RUBCNL: variants seen among roughly 807,000 people sequenced by gnomAD.
RUBCNL encodes rubicon like autophagy enhancer, also known as protein associated with UVRAG as autophagy enhancer.
Under a neutral mutation model 69.5 loss-of-function variants are expected in RUBCNL, and 62 were observed. That is an observed-to-expected ratio of 0.89 (90% CI 0.73 to 1.10). The LOEUF is 1.10. Ranked by LOEUF, RUBCNL falls within the 50% of genes least tolerant of loss-of-function variation. The probability of loss-of-function intolerance (pLI) is 0.00; values close to 1 mark genes in which losing one functional copy is unlikely to be tolerated. For missense variants in RUBCNL, 768 were observed against 798.1 expected, an observed-to-expected ratio of 0.96 and a Z score of 0.45; for synonymous variants, 291 against 303.6, an observed-to-expected ratio of 0.96 and a Z score of 0.43.
At position 46,362,579 on chromosome 13, in the gene RUBCNL, A is replaced by G. The variant is rs779261730; in HGVS notation, c.945T>C (p.Asp315=). ...AGGAACAGCTACAGGTTTCTGTGATATCATTAAAATCTCCAAGCTCTGTGG... is the reference window on the plus strand; with the variant it reads ...AGGAACAGCTACAGGTTTCTGTGATGTCATTAAAATCTCCAAGCTCTGTGG... ...FVILELGDFN[D]ITETCSCSCS... is the part of the protein sequence containing the mutation. The change falls in exon 7 of 15, where the codon GAT becomes GAC. Residue 315 remains aspartate (D), a synonymous_variant. Transcript: ENST00000429979. 2 of 1,608,790 alleles carry G rather than the reference A, an allele frequency of 1.2e-6. No individual in the cohort carries two copies. Among genetic ancestry groups the G allele is most frequent in the South Asian group, 2.2e-5 (2 of 89,928 alleles).
In RUBCNL at chr13:46,342,768, G is replaced by C. The variant is rs1240234965; in HGVS notation, c.*617C>G. The C allele has an allele frequency of 6.6e-6, 1 of 152,308 alleles. No homozygotes were observed. The allele number at this position is 152,308 out of a possible 1,614,324, so 9.4% of individuals were successfully genotyped here. ...GAAAGAGTGCCATCTAGAAGCAGTT[G>C]CTTCAAACTGCACTTCAACGGGACC... On this transcript the variant is annotated 3_prime_UTR_variant, in exon 15 of 15. Transcript: ENST00000429979.
chr13:46,343,342 C>CA lies in RUBCNL; in HGVS notation c.*42dup. On this transcript the variant is annotated 3_prime_UTR_variant, in exon 15 of 15. Coordinates refer to ENST00000429979, the MANE Select transcript of RUBCNL (RefSeq NM_025113.5). ...AATAATAGACACAAATCGGTGTTAT[C>CA]ATAAGGCATGTTGAACAGTCTTTTT... is the stretch of plus-strand genomic sequence containing the variant. 1.3e-6 allele frequency: 2 copies of CA among 1,597,474 alleles called. No individual in the cohort carries two copies. Among genetic ancestry groups the CA allele is most frequent in the Non-Finnish European group, 1.7e-6 (2 of 1,170,300 alleles).
rs2048176211 is a variant in RUBCNL at position 46,343,451 on chromosome 13, G to A, written c.1923C>T (p.Cys641=). 6.2e-7 allele frequency: 1 copy of A among 1,613,950 alleles called. No homozygotes were observed. Among genetic ancestry groups the A allele is most frequent in the Non-Finnish European group, 8.5e-7 (1 of 1,179,874 alleles). Residue 641 remains cysteine, a synonymous_variant, in exon 15 of 15, where the codon TGC becomes TGT. Transcript: ENST00000429979. ...FHKQCFQSSE[C]PRCARITARR... Reference sequence around the variant, plus strand: ...TCGCTGTGATCCTCGCACACCGGGGGCACTCGGAGGACTGGAAGCACTGTT... The same window carrying A: ...TCGCTGTGATCCTCGCACACCGGGGACACTCGGAGGACTGGAAGCACTGTT...
chr13:46,348,924 G>A (rs1045277364), intron 12 of RUBCNL, among the ~76,000 whole-genome samples: 1 of 152,072 alleles, frequency 6.6e-6, no homozygotes, highest in Non-Finnish European at 1.5e-5. Flanking sequence ...TTATAAAGGA[G>A]AGTTCCCCTG....
chr13:46,382,913 A>G (rs2049151976), intron 1 of RUBCNL, among the ~76,000 whole-genome samples: 1 of 152,248 alleles, frequency 6.6e-6, no homozygotes, highest in Non-Finnish European at 1.5e-5. Context: ...AGGTAAAAAA[A>G]GTTAAGTATT....
At chr13:46,382,317 TA>T (rs2049135730) in intron 1 of RUBCNL, among the ~76,000 whole-genome samples, 1 of 151,548 alleles carries the variant, frequency 6.6e-6, no homozygotes, top group Non-Finnish European at 1.5e-5. Context: ...AGGAGAAAGT[TA>T]AAAGGAGAAG....
rs1332830982 is a variant in RUBCNL, at chr13:46,338,101, CGGGA to C, written c.*5280_*5283del. ...CAGTACGCTGAAGAATGGGCAAGAT[CGGGA>C]GGGAGATGAAAAGGGGAAGCGCCCA... On this transcript the variant is annotated 3_prime_UTR_variant, in exon 15 of 15. Coordinates refer to ENST00000429979, the MANE Select transcript of RUBCNL (RefSeq NM_025113.5). Among the ~76,000 whole-genome samples the C allele has an allele frequency of 1.3e-5, 2 of 152,096 alleles. No homozygotes were observed. The highest frequency in any genetic ancestry group is 4.8e-5 in the African/African-American group (2 of 41,412).
chr13:46,383,900 G>A (rs553183236), intron 1 of RUBCNL, among the ~76,000 whole-genome samples: 2 of 152,312 alleles, frequency 1.3e-5, no homozygotes, highest in East Asian at 3.9e-4. Flanking sequence ...GACCCAGGAG[G>A]CCCAGGCTAA....
chr13:46,345,413 A>G (rs568550275), intron 13 of RUBCNL, 34 bp downstream of exon 13: 5 of 1,549,082 alleles, frequency 3.2e-6, no homozygotes, highest in Non-Finnish European at 4.4e-6. Flanking sequence ...GCCCTGGTGC[A>G]TCGGGAACGA....
At position 46,344,714 on chromosome 13, in the gene RUBCNL, A is replaced by G. The variant is rs73479356; in HGVS notation, c.1876+27T>C. The G allele has an allele frequency of 2.2e-3, 3,178 of 1,453,988 alleles. 58 individuals are homozygous for G. The African/African-American group carries it at 0.039, about 18-fold the overall frequency. The allele number at this position is 1,453,988 out of a possible 1,614,324, so 90.1% of individuals were successfully genotyped here. A position where few individuals can be genotyped will look rare whatever the true frequency, so the allele number is the denominator to read the frequency against. ...AGTTTAATTAGTTAACCTATTATTA[A>G]GCTTATGTTATTAAGTTATTAAATA... On this transcript the variant is annotated intron_variant, in intron 14 of 14. Coordinates refer to ENST00000429979, the MANE Select transcript of RUBCNL (RefSeq NM_025113.5).
chr13:46,362,384 T>C (rs1811595311), intron 7 of RUBCNL, among the ~76,000 whole-genome samples, 154 bp downstream of exon 7: 1 of 152,142 alleles, frequency 6.6e-6, no homozygotes, highest in Non-Finnish European at 1.5e-5. Context: ...TTGGGGGTGA[T>C]TGTTTCATTT....
At chr13:46,362,112 C>T (rs1052466317) in intron 7 of RUBCNL, among the ~76,000 whole-genome samples, 1 of 151,710 alleles carries the variant, frequency 6.6e-6, no homozygotes, top group Non-Finnish European at 1.5e-5. Context: ...TGGCAGGTGC[C>T]TATAATCCCA....
At chr13:46,349,089 T>G (rs139922484) in intron 12 of RUBCNL, among the ~76,000 whole-genome samples, 197 bp downstream of exon 12, 8 of 152,300 alleles carry the variant, frequency 5.3e-5, no homozygotes, top group African/African-American at 1.9e-4. Flanking sequence ...ATGACTTTAT[T>G]AGCTACTTGA....
chr13:46,378,682 C>T (rs1271219971), intron 1 of RUBCNL: 1 of 152,238 alleles, frequency 6.6e-6, no homozygotes, highest in Non-Finnish European at 1.5e-5. Context: ...GGATAGATGC[C>T]TCAGTGCCAC....
chr13:46,345,438 C>T lies in RUBCNL; in HGVS notation c.1785+9G>A. On this transcript the variant is annotated intron_variant, in intron 13 of 14. Coordinates refer to ENST00000429979, the MANE Select transcript of RUBCNL (RefSeq NM_025113.5). ...ATCGGGAACGAATCTGCTCTGGGTG[C>T]ACCCTCACCTCACAGCCAGCCACAT... The T allele has an allele frequency of 6.4e-7, 1 of 1,554,246 alleles. No individual in the cohort carries two copies.
chr13:46,349,173 G>T, intron 12 of RUBCNL, 113 bp downstream of exon 12: 2 of 839,046 alleles, frequency 2.4e-6, no homozygotes, highest in Non-Finnish European at 4.0e-6. Context: ...AAAGCCATGA[G>T]GTCATCACTG....
rs1456425843 is a variant in RUBCNL at position 46,335,642 on chromosome 13, G to A, written c.*7743C>T. 1.3e-5 allele frequency among the ~76,000 whole-genome samples: 2 copies of A among 152,194 alleles called. No homozygotes were observed. The highest frequency in any genetic ancestry group is 4.8e-5 in the African/African-American group (2 of 41,436). Reference sequence around the variant, plus strand: ...CAATCTAATAGAAGTTCAGGAGAGAGATGGTGGCTTGTACTGTAATAATGT... The same window carrying A: ...CAATCTAATAGAAGTTCAGGAGAGAAATGGTGGCTTGTACTGTAATAATGT... On this transcript the variant is annotated 3_prime_UTR_variant, in exon 15 of 15. Transcript: ENST00000429979.
At chr13:46,345,696 AT>A (rs907412752) in intron 12 of RUBCNL, 96 bp from the exon 13 acceptor site, 1,084 of 1,209,330 alleles carry the variant, frequency 9.0e-4, no homozygotes, top group East Asian at 2.3e-3. Context: ...CTCACACTTA[AT>A]TTTTTTTTAA....
At position 46,372,578 on chromosome 13, in the gene RUBCNL, TG is replaced by T; in HGVS notation, c.-104del. On this transcript the variant is annotated 5_prime_UTR_variant, in exon 3 of 15. Coordinates refer to ENST00000429979, the MANE Select transcript of RUBCNL (RefSeq NM_025113.5). Reference sequence around the variant, plus strand: ...GCCCTGAACTCACCACATGGCCAGCTGGGGGTCTGGAGAGCTATTCTGCAAT... The same window carrying T: ...GCCCTGAACTCACCACATGGCCAGCTGGGGTCTGGAGAGCTATTCTGCAAT... 3.4e-6 allele frequency: 5 copies of T among 1,477,038 alleles called. No individual in the cohort carries two copies. The highest frequency in any genetic ancestry group is 4.5e-6 in the Non-Finnish European group (5 of 1,111,592). The allele number at this position is 1,477,038 out of a possible 1,614,324, so 91.5% of individuals were successfully genotyped here.
Sources: allele counts gnomAD v4.1 joint callset (sites outside exome capture counted in the v4.1 genomes callset), GRCh38; gene constraint gnomAD v4.1.1; transcripts MANE v1.5; gene names NCBI Gene and HGNC (gene_info 2026-07-23, HGNC 2026-07-21).